Variants in RNF41 observed in about 807,000 individuals in gnomAD.
The protein encoded by RNF41 is ring finger protein 41, also known as E3 ubiquitin-protein ligase NRDP1.
RNF41 carries 4 observed loss-of-function variants against 33.0 expected under a neutral mutation model. The ratio of observed to expected loss-of-function variants is 0.12; its 90% CI spans 0.06 to 0.28. RNF41 has a LOEUF of 0.28. RNF41 is among the 10% of genes least tolerant of loss of function. RNF41 has a pLI of 1.00. For synonymous variants in RNF41, 164 were observed against 153.2 expected (o/e 1.07, Z -0.52); for missense variants, 228 against 432.6 (o/e 0.53, Z 4.19).
intron 4 of RNF41, chr12:56,209,957 C>G (rs759168051): frequency 1.0e-5 from 3 of 293,438 alleles, no homozygotes; most frequent in African/African-American, 2.1e-5. Context: ...AAAAATAGGG[C>G]AAGAGGAAAT....
rs545942558 is a variant in RNF41 at position 56,202,655 on chromosome 12, C to T, written c.*3792G>A. 3 of 152,292 alleles carry T rather than the reference C, an allele frequency of 2.0e-5. No individual in the cohort carries two copies. The highest frequency in any genetic ancestry group is 2.1e-4 in the South Asian group (1 of 4,828). 9.4% of individuals were successfully genotyped at this position (152,292 alleles called of 1,614,324 possible). A position where few individuals can be genotyped will look rare whatever the true frequency, so the allele number is the denominator to read the frequency against. On this transcript the variant is annotated 3_prime_UTR_variant, in exon 7 of 7. Transcript: ENST00000345093. ...TACCCATCAGAATCAGGAGCTTTATCGTCCTTGGCTCACATATTACTAGTA... is the reference window on the plus strand; with the variant it reads ...TACCCATCAGAATCAGGAGCTTTATTGTCCTTGGCTCACATATTACTAGTA...
At chr12:56,219,725 C>A (rs941022645) in intron 1 of RNF41, among the ~76,000 whole-genome samples, 1 of 150,652 alleles carries the variant, frequency 6.6e-6, no homozygotes, top group Non-Finnish European at 1.5e-5. Context: ...ATAATAAATA[C>A]GAAAGGAGGC....
intron 1 of RNF41, among the ~76,000 whole-genome samples, chr12:56,220,730 CAA>C (rs113806744): frequency 1.3e-4 from 11 of 82,440 alleles, no homozygotes; most frequent in Admixed American, 2.5e-4. Context: ...GACTCCGTTT[CAA>C]AAAAAAAAAA....
chr12:56,210,288 A>G lies in RNF41; in HGVS notation c.362+9T>C. The G allele has an allele frequency of 1.2e-6, 2 of 1,609,234 alleles. No individual in the cohort carries two copies. The highest frequency in any genetic ancestry group is 1.7e-6 in the Non-Finnish European group (2 of 1,175,938). On this transcript the variant is annotated intron_variant, in intron 4 of 6. Coordinates refer to ENST00000345093, the MANE Select transcript of RNF41 (RefSeq NM_005785.4). The stretch of plus-strand genomic sequence containing the variant: ...TTATCCATGTGGGGCAGAAGGGAAC[A>G]AATCTCACCCACAGCCCTGTTCACA...
intron 3 of RNF41, 34 bp from the exon 4 acceptor site, chr12:56,210,602 G>A (rs570069373): frequency 1.3e-6 from 2 of 1,590,238 alleles, no homozygotes; most frequent in East Asian, 2.3e-5. Flanking sequence ...GGGGCGCAAG[G>A]GAATTAGCAG....
rs1878646516 is a variant in RNF41, at chr12:56,202,823, A to G, written c.*3624T>C. The G allele has an allele frequency of 6.6e-6, 1 of 152,202 alleles. No individual in the cohort carries two copies. Among genetic ancestry groups the G allele is most frequent in the South Asian group, 2.1e-4 (1 of 4,836 alleles). 9.4% of individuals were successfully genotyped at this position (152,202 alleles called of 1,614,324 possible). On this transcript the variant is annotated 3_prime_UTR_variant, in exon 7 of 7. Coordinates refer to ENST00000345093, the MANE Select transcript of RNF41 (RefSeq NM_005785.4). ...ATCTCACAGGGCAGACATTCAATGAATATTTGTTTCTAAAAATCGTATCTT... is the reference window on the plus strand; with the variant it reads ...ATCTCACAGGGCAGACATTCAATGAGTATTTGTTTCTAAAAATCGTATCTT...
At chr12:56,219,842 T>C (rs922529987) in intron 1 of RNF41, among the ~76,000 whole-genome samples, 16 of 150,868 alleles carry the variant, frequency 1.1e-4, no homozygotes, top group African/African-American at 3.9e-4. Context: ...TAGTGAAACC[T>C]TGTCTCTACA....
At chr12:56,209,235 G>A (rs536662965) in intron 4 of RNF41, among the ~76,000 whole-genome samples, 2 of 152,218 alleles carry the variant, frequency 1.3e-5, no homozygotes, top group Admixed American at 6.5e-5. Flanking sequence ...GATTCTGCCT[G>A]TGCACTTATT....
rs1444806773 is a variant in RNF41 at position 56,207,396 on chromosome 12, C to T, written c.602+250G>A. On this transcript the variant is annotated intron_variant, in intron 6 of 6. Transcript: ENST00000345093. ...ATACAGGGCTTTGTACATGGGTACTCACCTAATTCTGGATAAAGTGCATCC... is the reference window on the plus strand; with the variant it reads ...ATACAGGGCTTTGTACATGGGTACTTACCTAATTCTGGATAAAGTGCATCC... The T allele has an allele frequency of 9.4e-6, 8 of 854,410 alleles. No homozygotes were observed. In the Admixed American group the frequency reaches 1.4e-4, roughly 15 times the overall value. 52.9% of individuals were successfully genotyped at this position (854,410 alleles called of 1,614,324 possible).
rs1414275338 is a variant in RNF41 at position 56,221,921 on chromosome 12, A to G, written c.-370T>C. 6.6e-6 allele frequency: 1 copy of G among 152,398 alleles called. No individual in the cohort carries two copies. The highest frequency in any genetic ancestry group is 1.5e-5 in the Non-Finnish European group (1 of 68,180). 9.4% of individuals were successfully genotyped at this position (152,398 alleles called of 1,614,324 possible). On this transcript the variant is annotated 5_prime_UTR_variant, in exon 1 of 7. Coordinates refer to ENST00000345093, the MANE Select transcript of RNF41 (RefSeq NM_005785.4). ...CTCCTACCACTCGTCGCCGCCTCAG[A>G]CGGATCCTTTGCCCCGCCCACCGCT...
intron 3 of RNF41, among the ~76,000 whole-genome samples, chr12:56,211,517 C>T (rs535160448): frequency 1.7e-4 from 26 of 152,084 alleles, no homozygotes; most frequent in African/African-American, 6.0e-4. Context: ...ATTGCATACA[C>T]AATAATTGCC....
At chr12:56,207,586 C>T in intron 6 of RNF41, 60 bp downstream of exon 6, 1 of 1,276,704 alleles carries the variant, frequency 7.8e-7, no homozygotes, top group East Asian at 2.3e-5. Flanking sequence ...TCCTGCTCTT[C>T]CTCCTTTCAG....
In RNF41 at chr12:56,206,650, G is replaced by A; in HGVS notation, c.751C>T (p.His251Tyr). The change falls in exon 7 of 7, where the codon CAC (histidine) becomes TAC (tyrosine). Residue 251 changes from histidine (H) to tyrosine (Y), a missense_variant. Physicochemically the swap from His to Tyr is moderately conservative, Grantham distance 83. Transcript: ENST00000345093. The surrounding 1 kb of genome is among the most constrained non-coding windows in gnomAD (Gnocchi z 5.7). Reference sequence around the variant, plus strand: ...AGACCCTGGGGCCAGCTACGCTCGTGGGCATTTTCAATCAGCTCGTTGACA... The same window carrying A: ...AGACCCTGGGGCCAGCTACGCTCGTAGGCATTTTCAATCAGCTCGTTGACA... ...SIVNELIENA[H>Y]ERSWPQGLAT... 6.2e-7 allele frequency: 1 copy of A among 1,614,074 alleles called. No homozygotes were observed. The highest frequency in any genetic ancestry group is 8.5e-7 in the Non-Finnish European group (1 of 1,180,038).
chr12:56,208,865 CT>C (rs751108778), intron 4 of RNF41, among the ~76,000 whole-genome samples: 1,862 of 127,398 alleles, frequency 0.015, 14 homozygotes, highest in African/African-American at 0.027. Context: ...CGCGCCTGGC[CT>C]TTTTTTTTTT....
intron 1 of RNF41, among the ~76,000 whole-genome samples, chr12:56,220,534 A>C (rs528914405): frequency 1.9e-4 from 29 of 151,884 alleles, no homozygotes; most frequent in African/African-American, 6.8e-4. Context: ...GAGGTTTGAG[A>C]CCAGCCTGGC....
chr12:56,213,218 T>G, intron 3 of RNF41: 1 of 949,156 alleles, frequency 1.1e-6, no homozygotes, highest in Non-Finnish European at 1.4e-6. Context: ...TTTTTTTTTT[T>G]GAGATGGAGT....
chr12:56,213,908 G>T, intron 3 of RNF41, 50 bp downstream of exon 3: 1 of 1,171,126 alleles, frequency 8.5e-7, no homozygotes, highest in Non-Finnish European at 1.3e-6. Context: ...TTTTCTACTA[G>T]TTCCACTGCT....
At chr12:56,220,893 T>G (rs1383631245) in intron 1 of RNF41, among the ~76,000 whole-genome samples, 1 of 152,120 alleles carries the variant, frequency 6.6e-6, no homozygotes, top group East Asian at 1.9e-4. Flanking sequence ...ACTAGTCCAC[T>G]ACATTCTTAT....
At chr12:56,209,762 C>A (rs1314800400) in intron 4 of RNF41, among the ~76,000 whole-genome samples, 1 of 152,184 alleles carries the variant, frequency 6.6e-6, no homozygotes, top group East Asian at 1.9e-4. Context: ...CGGCCCCACA[C>A]CTGGCTAATT....
Sources: gnomAD v4.1 joint callset for allele counts (sites outside exome capture counted in the v4.1 genomes callset) on GRCh38, gnomAD v4.1.1 for gene constraint, Gnocchi (gnomAD v3.1) non-coding constraint, MANE v1.5 for transcripts, NCBI Gene and HGNC (gene_info 2026-07-23, HGNC 2026-07-21) for gene names.